The following PRKAG2 variants were observed in gnomAD, a reference collection of about 807,000 sequenced individuals.
The protein encoded by PRKAG2 is protein kinase AMP-activated non-catalytic subunit gamma 2, also known as 5'-AMP-activated protein kinase subunit gamma-2.
A neutral mutation model predicts 69.6 loss-of-function variants in PRKAG2; 26 were observed. The observed-to-expected ratio is 0.37, with a 90% CI of 0.27 to 0.52. The LOEUF is 0.52. PRKAG2 is among the 20% of genes least tolerant of loss of function. The pLI is 0.90. For missense variants in PRKAG2, 557 were observed against 740.0 expected (o/e 0.75, Z 2.87); for synonymous variants, 293 against 285.0 (o/e 1.03, Z -0.28).
chr7:151,602,577 A>T (rs1816368716), intron 5 of PRKAG2, among the ~76,000 whole-genome samples: 1 of 152,176 alleles, frequency 6.6e-6, no homozygotes, highest in Admixed American at 6.5e-5. Context: ...ATTTTGAATA[A>T]ATATATGTTC....
At chr7:151,751,186 C>T (rs913025409) in intron 3 of PRKAG2, among the ~76,000 whole-genome samples, 2 of 151,456 alleles carry the variant, frequency 1.3e-5, no homozygotes, top group African/African-American at 2.4e-5. Context: ...CAAGCTCTGC[C>T]TCCCAGGTTC....
At chr7:151,636,597 C>G (rs753197046) in intron 4 of PRKAG2, among the ~76,000 whole-genome samples, 1 of 152,124 alleles carries the variant, frequency 6.6e-6, no homozygotes, top group South Asian at 2.1e-4. Flanking sequence ...GGTGAAAATG[C>G]TCCTATGGAC....
chr7:151,558,953 A>G (rs1226615117), intron 15 of PRKAG2: 1 of 985,338 alleles, frequency 1.0e-6, no homozygotes, highest in Non-Finnish European at 1.2e-6. Context: ...ATGCCCAAAG[A>G]GACAGACAAG....
chr7:151,871,863 C>T (rs531343493), intron 1 of PRKAG2, among the ~76,000 whole-genome samples: 146 of 152,244 alleles, frequency 9.6e-4, no homozygotes, highest in African/African-American at 3.2e-3. Context: ...CTGAGGTCCC[C>T]AAAACGACTC....
intron 3 of PRKAG2, among the ~76,000 whole-genome samples, chr7:151,726,371 GAC>G (rs60238080): frequency 0.082 from 12,154 of 148,186 alleles, 871 homozygotes; most frequent in African/African-American, 0.19. Context: ...AGGGAGGCAG[GAC>G]ACACACACAC....
intron 3 of PRKAG2, among the ~76,000 whole-genome samples, chr7:151,769,096 C>T (rs2075891343): frequency 6.6e-6 from 1 of 152,204 alleles, no homozygotes. Flanking sequence ...GGGCAGGCAG[C>T]TTTCTACAGT....
At chr7:151,712,769 A>G (rs910494437) in intron 3 of PRKAG2, among the ~76,000 whole-genome samples, 2 of 152,238 alleles carry the variant, frequency 1.3e-5, no homozygotes, top group African/African-American at 4.8e-5. Flanking sequence ...ACACACCACA[A>G]TCCTCTCCAG....
At chr7:151,629,805 G>A (rs1823946136) in intron 5 of PRKAG2, among the ~76,000 whole-genome samples, 1 of 152,148 alleles carries the variant, frequency 6.6e-6, no homozygotes, top group Admixed American at 6.5e-5. Context: ...AGGGTATGCT[G>A]GATGCTGAAA....
At chr7:151,708,362 C>T (rs1475772167) in intron 3 of PRKAG2, among the ~76,000 whole-genome samples, 1 of 152,196 alleles carries the variant, frequency 6.6e-6, no homozygotes, top group African/African-American at 2.4e-5. Flanking sequence ...CAGTGGGGCA[C>T]TGTGTGGCCC....
chr7:151,874,174 GTATA>G (rs2080301771), intron 1 of PRKAG2, among the ~76,000 whole-genome samples: 1 of 86,732 alleles, frequency 1.2e-5, no homozygotes. Context: ...TGTATATGAT[GTATA>G]TGTATATGTA....
At chr7:151,704,434 C>G (rs1838260979) in intron 3 of PRKAG2, among the ~76,000 whole-genome samples, 1 of 152,170 alleles carries the variant, frequency 6.6e-6, no homozygotes, top group Non-Finnish European at 1.5e-5. Flanking sequence ...GATGCAGCCA[C>G]ACTGCTGCAT....
chr7:151,582,240 C>T (rs1810652106), intron 6 of PRKAG2, among the ~76,000 whole-genome samples: 1 of 152,148 alleles, frequency 6.6e-6, no homozygotes, highest in African/African-American at 2.4e-5. Flanking sequence ...GTCTCAACCT[C>T]CTGGGTTCAA....
intron 3 of PRKAG2, among the ~76,000 whole-genome samples, chr7:151,676,139 G>A (rs779615839): frequency 2.6e-5 from 4 of 151,870 alleles, no homozygotes; most frequent in South Asian, 4.2e-4. Flanking sequence ...AAGAGCAAAC[G>A]CAGTGGTGCC....
intron 1 of PRKAG2, among the ~76,000 whole-genome samples, chr7:151,824,470 G>A (rs1010173075): frequency 4.6e-5 from 7 of 152,282 alleles, no homozygotes; most frequent in Non-Finnish European, 8.8e-5. Context: ...ACTTTAAATC[G>A]TGATGAGATT....
chr7:151,760,642 G>A (rs2075359724), intron 3 of PRKAG2, among the ~76,000 whole-genome samples: 1 of 152,118 alleles, frequency 6.6e-6, no homozygotes, highest in South Asian at 2.1e-4. Flanking sequence ...CTCTCTCTCT[G>A]GCTCCAGTGT....
At chr7:151,840,246 G>A (rs1256435705) in intron 1 of PRKAG2, among the ~76,000 whole-genome samples, 4 of 152,158 alleles carry the variant, frequency 2.6e-5, no homozygotes, top group African/African-American at 9.7e-5. Flanking sequence ...AGGCCTTGAG[G>A]GAGGACAGGT....
chr7:151,851,055 T>C (rs1475348770), intron 1 of PRKAG2, among the ~76,000 whole-genome samples: 1 of 152,154 alleles, frequency 6.6e-6, no homozygotes, highest in Non-Finnish European at 1.5e-5. Flanking sequence ...CCTGGCCCTC[T>C]TTATCTGGGA....
intron 3 of PRKAG2, among the ~76,000 whole-genome samples, chr7:151,749,519 T>C (rs11773668): frequency 0.21 from 31,724 of 151,826 alleles, 3,681 homozygotes; most frequent in Admixed American, 0.26. Context: ...AATAAGAGAG[T>C]GAAAAGGCAG....
intron 5 of PRKAG2, among the ~76,000 whole-genome samples, chr7:151,602,737 G>A (rs1407830713): frequency 1.3e-5 from 2 of 152,118 alleles, no homozygotes; most frequent in Non-Finnish European, 1.5e-5. Context: ...TAATCCCCAC[G>A]TGCCAAGGGC....
Sources: allele counts gnomAD v4.1 joint callset (sites outside exome capture counted in the v4.1 genomes callset), GRCh38; gene constraint gnomAD v4.1.1; transcripts MANE v1.5; gene names NCBI Gene and HGNC (gene_info 2026-07-23, HGNC 2026-07-21).